Variants in RAP1GDS1 observed in about 807,000 individuals in gnomAD.
RAP1GDS1 encodes the protein Rap1 GTPase-GDP dissociation stimulator 1.
RAP1GDS1 carries 35 observed loss-of-function variants against 71.1 expected under a neutral mutation model. The observed-to-expected ratio is 0.49, with a 90% CI of 0.38 to 0.65. The LOEUF (loss-of-function observed/expected upper bound fraction) is 0.65, where lower values mean the gene tolerates loss of function less well. Among genes scored for constraint, RAP1GDS1 ranks in the 30% least tolerant of loss-of-function variants. The pLI, the probability that RAP1GDS1 is intolerant of heterozygous loss-of-function variation, is 0.00. For missense variants in RAP1GDS1, 663 were observed against 706.1 expected (o/e 0.94, Z 0.69); for synonymous variants, 229 against 243.1 (o/e 0.94, Z 0.54).
rs1443670135 is a variant in RAP1GDS1, at chr4:98,443,478, G to T, written c.*1361G>T. 4.4e-6 allele frequency: 1 copy of T among 229,422 alleles called. No homozygotes were observed. Among genetic ancestry groups the T allele is most frequent in the African/African-American group, 2.2e-5 (1 of 45,116 alleles). The allele number at this position is 229,422 out of a possible 1,614,324, so 14.2% of individuals were successfully genotyped here. ...AATTTGACCACTACTGGCCTAAAAG[G>T]CAAGATGGGCTTCGATATAGAAGGA... is the stretch of plus-strand genomic sequence containing the variant. On this transcript the variant is annotated 3_prime_UTR_variant, in exon 15 of 15. Coordinates refer to ENST00000408927, the MANE Select transcript of RAP1GDS1 (RefSeq NM_001100427.2).
At chr4:98,426,057 TCAACTC>T (rs1359588951) in intron 12 of RAP1GDS1, among the ~76,000 whole-genome samples, 3 of 152,070 alleles carry the variant, frequency 2.0e-5, no homozygotes, top group African/African-American at 7.2e-5. Context: ...AAACTGGAAA[TCAACTC>T]CAAAAGGAAC....
At chr4:98,280,637 G>T (rs1251616850) in intron 1 of RAP1GDS1, among the ~76,000 whole-genome samples, 3 of 151,864 alleles carry the variant, frequency 2.0e-5, no homozygotes, top group Admixed American at 6.6e-5. Flanking sequence ...GTCAATTTTG[G>T]CTTTTGTTGC....
At chr4:98,366,267 C>T (rs368484923) in intron 4 of RAP1GDS1, among the ~76,000 whole-genome samples, 3 of 152,076 alleles carry the variant, frequency 2.0e-5, no homozygotes, top group East Asian at 1.9e-4. Context: ...GGGGAGTTTT[C>T]GTGCACAAGC....
intron 2 of RAP1GDS1, among the ~76,000 whole-genome samples, chr4:98,312,749 A>C (rs1416582969): frequency 6.6e-6 from 1 of 151,644 alleles, no homozygotes; most frequent in Non-Finnish European, 1.5e-5. Context: ...ATATAGAGAG[A>C]GAAATAGGTA....
At chr4:98,331,067 G>A (rs1031080847) in intron 2 of RAP1GDS1, among the ~76,000 whole-genome samples, 16 of 152,184 alleles carry the variant, frequency 1.1e-4, no homozygotes, top group East Asian at 1.9e-4. Flanking sequence ...AGGCCAAGGC[G>A]GGCAGATACT....
chr4:98,418,643 G>GT lies in RAP1GDS1; in HGVS notation c.1040-4dup, dbSNP rs552489894. 0.022 allele frequency: 26,888 copies of GT among 1,211,552 alleles called. 3 individuals carry two copies. The highest frequency in any genetic ancestry group is 0.042 in the South Asian group (2,691 of 63,342). 75.1% of individuals were successfully genotyped at this position (1,211,552 alleles called of 1,614,324 possible). Reference sequence around the variant, plus strand: ...TTTAAAGAGGAAGAAAAAGATGTGTGTTTTTTTTTTCAGATGCAAATTGTA... The same window carrying GT: ...TTTAAAGAGGAAGAAAAAGATGTGTGTTTTTTTTTTTCAGATGCAAATTGTA... On this transcript the variant is annotated splice_polypyrimidine_tract_variant and intron_variant, in intron 9 of 14. Coordinates refer to ENST00000408927, the MANE Select transcript of RAP1GDS1 (RefSeq NM_001100427.2).
chr4:98,361,910 T>C (rs753449933), intron 4 of RAP1GDS1, among the ~76,000 whole-genome samples: 2 of 152,208 alleles, frequency 1.3e-5, no homozygotes, highest in Non-Finnish European at 2.9e-5. Flanking sequence ...TCATGACTCA[T>C]TTTTGTGATT....
chr4:98,378,518 T>C (rs1427595787), intron 4 of RAP1GDS1, among the ~76,000 whole-genome samples: 1 of 151,842 alleles, frequency 6.6e-6, no homozygotes, highest in Non-Finnish European at 1.5e-5. Context: ...CACCATATGG[T>C]TTTCTTTAAT....
chr4:98,320,439 G>C (rs1406089140), intron 2 of RAP1GDS1, among the ~76,000 whole-genome samples: 1 of 152,186 alleles, frequency 6.6e-6, no homozygotes, highest in Non-Finnish European at 1.5e-5. Flanking sequence ...TAGGGGGGAG[G>C]AGCCAAGATG....
At chr4:98,417,008 G>C (rs933241706) in intron 8 of RAP1GDS1, 120 bp downstream of exon 8, 26 of 1,174,184 alleles carry the variant, frequency 2.2e-5, no homozygotes, top group African/African-American at 3.1e-5. Flanking sequence ...CTGCTATTGA[G>C]GTGATGATTT....
At chr4:98,296,530 C>G (rs894808220) in intron 2 of RAP1GDS1, among the ~76,000 whole-genome samples, 4 of 151,996 alleles carry the variant, frequency 2.6e-5, no homozygotes, top group Admixed American at 6.6e-5. Context: ...AATCTATGAT[C>G]TAAATTAATA....
intron 4 of RAP1GDS1, among the ~76,000 whole-genome samples, chr4:98,374,445 G>A (rs1740865858): frequency 6.6e-6 from 1 of 152,064 alleles, no homozygotes; most frequent in Non-Finnish European, 1.5e-5. Flanking sequence ...TATCGTTAAA[G>A]TCCCTGTATG....
At chr4:98,319,338 G>C (rs901296882) in intron 2 of RAP1GDS1, among the ~76,000 whole-genome samples, 6 of 152,004 alleles carry the variant, frequency 3.9e-5, no homozygotes, top group African/African-American at 1.5e-4. Flanking sequence ...TCCCTTATTA[G>C]CATATATTTC....
At position 98,442,780 on chromosome 4, in the gene RAP1GDS1, G is replaced by A. The variant is rs933800651; in HGVS notation, c.*663G>A. On this transcript the variant is annotated 3_prime_UTR_variant, in exon 15 of 15. Transcript: ENST00000408927. ...TGACTATTATCAATAGCCTGATATT[G>A]AAAAACATTTGTAGTTTTCAGTGTG... 1 of 229,038 alleles carries A rather than the reference G, an allele frequency of 4.4e-6. No individual in the cohort carries two copies. The highest frequency in any genetic ancestry group is 2.2e-5 in the African/African-American group (1 of 45,120). 14.2% of individuals were successfully genotyped at this position (229,038 alleles called of 1,614,324 possible). A position where few individuals can be genotyped will look rare whatever the true frequency, so the allele number is the denominator to read the frequency against.
chr4:98,365,181 C>G (rs766079299), intron 4 of RAP1GDS1, among the ~76,000 whole-genome samples: 5 of 151,992 alleles, frequency 3.3e-5, no homozygotes, highest in African/African-American at 7.3e-5. Flanking sequence ...TTAGTAATAC[C>G]TAAGGAAACC....
chr4:98,317,732 G>A (rs754341437), intron 2 of RAP1GDS1, among the ~76,000 whole-genome samples: 1 of 152,024 alleles, frequency 6.6e-6, no homozygotes, highest in African/African-American at 2.4e-5. Context: ...GTATGGAGAG[G>A]GAGATAGTTT....
intron 2 of RAP1GDS1, among the ~76,000 whole-genome samples, chr4:98,342,806 A>C (rs968528297): frequency 4.6e-5 from 7 of 152,224 alleles, no homozygotes; most frequent in Non-Finnish European, 1.0e-4. Flanking sequence ...AGATGTAGAA[A>C]AAAAGCATTT....
At chr4:98,412,118 A>G (rs1246511747) in intron 7 of RAP1GDS1, among the ~76,000 whole-genome samples, 1 of 152,228 alleles carries the variant, frequency 6.6e-6, no homozygotes, top group African/African-American at 2.4e-5. Context: ...TATTTTTCCT[A>G]AATGATAAGC....
At chr4:98,323,824 T>C (rs1381228268) in intron 2 of RAP1GDS1, among the ~76,000 whole-genome samples, 2 of 150,610 alleles carry the variant, frequency 1.3e-5, no homozygotes, top group African/African-American at 2.4e-5. Flanking sequence ...TCATACTGAA[T>C]GGGCAAAAAC....
Sources: gnomAD v4.1 joint callset for allele counts (sites outside exome capture counted in the v4.1 genomes callset) on GRCh38, gnomAD v4.1.1 for gene constraint, MANE v1.5 for transcripts, NCBI Gene and HGNC (gene_info 2026-07-23, HGNC 2026-07-21) for gene names.